GABRG1: variants seen among roughly 807,000 people sequenced by gnomAD.
GABRG1 encodes the protein gamma-aminobutyric acid type A receptor subunit gamma1.
In GABRG1, 49 loss-of-function variants were observed where a neutral mutation model predicts 49.8. The ratio of observed to expected loss-of-function variants is 0.98; its 90% CI spans 0.78 to 1.25. The LOEUF is 1.25. Among genes scored for constraint, GABRG1 ranks in the 50% most tolerant of loss-of-function variants. The pLI is 0.00. For synonymous variants in GABRG1, 232 were observed against 185.1 expected, an observed-to-expected ratio of 1.25 and a Z score of -2.06; for missense variants, 552 against 552.3, an observed-to-expected ratio of 1.00 and a Z score of 0.01.
chr4:46,112,735 A>C (rs1041446977), intron 1 of GABRG1, among the ~76,000 whole-genome samples: 7 of 151,114 alleles, frequency 4.6e-5, no homozygotes, highest in African/African-American at 1.7e-4. Context: ...GTGTGAGCCT[A>C]ACATTGGGTG....
intron 3 of GABRG1, among the ~76,000 whole-genome samples, chr4:46,070,458 G>A (rs1719073935): frequency 6.6e-6 from 1 of 151,904 alleles, no homozygotes; most frequent in Non-Finnish European, 1.5e-5. Context: ...TTCTTAAGAA[G>A]TTACAATAAA....
At chr4:46,074,940 A>C (rs2109416197) in intron 3 of GABRG1, among the ~76,000 whole-genome samples, 1 of 152,214 alleles carries the variant, frequency 6.6e-6, no homozygotes, top group East Asian at 1.9e-4. Context: ...GAGACTTACT[A>C]GAGTAGGGTG....
At chr4:46,081,682 C>T (rs1414817347) in intron 3 of GABRG1, among the ~76,000 whole-genome samples, 2 of 151,796 alleles carry the variant, frequency 1.3e-5, no homozygotes, top group Non-Finnish European at 2.9e-5. Context: ...CTTTGGAAGT[C>T]TTATGGGCTG....
chr4:46,087,795 T>C (rs752296167), intron 2 of GABRG1, among the ~76,000 whole-genome samples: 42 of 151,930 alleles, frequency 2.8e-4, no homozygotes, highest in Admixed American at 6.6e-4. Context: ...AGATACTTCT[T>C]GTGAGACCTT....
chr4:46,056,642 C>T (rs898911115), intron 7 of GABRG1, among the ~76,000 whole-genome samples: 1 of 152,088 alleles, frequency 6.6e-6, no homozygotes, highest in African/African-American at 2.4e-5. Context: ...ACACCATAAA[C>T]ACGAAGTTTT....
chr4:46,109,139 T>A (rs1720646198), intron 1 of GABRG1, among the ~76,000 whole-genome samples: 1 of 150,948 alleles, frequency 6.6e-6, no homozygotes, highest in African/African-American at 2.4e-5. Flanking sequence ...TGTGAATCCA[T>A]CTGGCCCAGG....
At chr4:46,070,495 T>G (rs111310058) in intron 3 of GABRG1, among the ~76,000 whole-genome samples, 3,189 of 152,052 alleles carry the variant, frequency 0.021, 37 homozygotes, top group Non-Finnish European at 0.034. Context: ...TTCCAGACCT[T>G]GGAATATATA....
chr4:46,091,082 A>G (rs894318411), intron 2 of GABRG1, among the ~76,000 whole-genome samples: 2 of 151,826 alleles, frequency 1.3e-5, no homozygotes, highest in African/African-American at 4.8e-5. Context: ...TGACAAACCA[A>G]ATATAAGCAG....
intron 8 of GABRG1, among the ~76,000 whole-genome samples, chr4:46,049,767 A>C (rs1718142412): frequency 6.6e-6 from 1 of 151,934 alleles, no homozygotes; most frequent in Non-Finnish European, 1.5e-5. Flanking sequence ...AGCTCTCTTG[A>C]GTAAGTGTGC....
At position 46,036,820 on chromosome 4, in the gene GABRG1, G is replaced by A. The variant is rs766482419; in HGVS notation, c.*4168C>T. 11 of 151,972 alleles carry A rather than the reference G, an allele frequency of 7.2e-5. No individual in the cohort carries two copies. The highest frequency in any genetic ancestry group is 1.5e-4 in the Non-Finnish European group (10 of 67,918). The allele number at this position is 151,972 out of a possible 1,614,324, so 9.4% of individuals were successfully genotyped here. A position where few individuals can be genotyped will look rare whatever the true frequency, so the allele number is the denominator to read the frequency against. ...TTAATAATGTATCTTTTGTACTCAA[G>A]TATCTCTGTGAACTTTTTATGACTT... On this transcript the variant is annotated 3_prime_UTR_variant, in exon 9 of 9. Transcript: ENST00000295452.
chr4:46,082,659 T>C (rs1719618972), intron 3 of GABRG1, among the ~76,000 whole-genome samples: 1 of 151,828 alleles, frequency 6.6e-6, no homozygotes, highest in African/African-American at 2.4e-5. Context: ...CAGTTATCAC[T>C]ATCTAATCCA....
At chr4:46,061,588 A>T (rs1435165046) in intron 5 of GABRG1, among the ~76,000 whole-genome samples, 1 of 152,040 alleles carries the variant, frequency 6.6e-6, no homozygotes, top group African/African-American at 2.4e-5. Context: ...AATACATGTG[A>T]GGATATGTAT....
At chr4:46,072,085 T>A (rs535020449) in intron 3 of GABRG1, among the ~76,000 whole-genome samples, 1 of 152,160 alleles carries the variant, frequency 6.6e-6, no homozygotes, top group South Asian at 2.1e-4. Flanking sequence ...TATACCATAT[T>A]TTTACTGTAT....
At chr4:46,103,655 TAAATA>T (rs1030096681) in intron 1 of GABRG1, among the ~76,000 whole-genome samples, 6 of 151,382 alleles carry the variant, frequency 4.0e-5, no homozygotes, top group African/African-American at 1.5e-4. Flanking sequence ...AATTAAAAAA[TAAATA>T]AATATGTTCA....
In GABRG1 at chr4:46,058,383, A is replaced by T. The variant is rs369176789; in HGVS notation, c.764-14T>A. 4.6e-5 allele frequency: 74 copies of T among 1,599,510 alleles called. No homozygotes were observed. The highest frequency in any genetic ancestry group is 5.8e-5 in the Non-Finnish European group (68 of 1,174,986). On this transcript the variant is annotated splice_polypyrimidine_tract_variant and intron_variant, in intron 6 of 8. Coordinates refer to ENST00000295452, the MANE Select transcript of GABRG1 (RefSeq NM_173536.4). ...TAACATAATCCCCTGTAAGAAAAAA[A>T]AGTTTTATTTTGGCTATATAATATA...
At chr4:46,057,319 T>C (rs940372949) in intron 7 of GABRG1, among the ~76,000 whole-genome samples, 3 of 152,216 alleles carry the variant, frequency 2.0e-5, no homozygotes, top group Non-Finnish European at 1.5e-5. Flanking sequence ...GATGGAATCA[T>C]TTATAAGCTA....
At chr4:46,049,327 T>C (rs940014541) in intron 8 of GABRG1, among the ~76,000 whole-genome samples, 1 of 151,850 alleles carries the variant, frequency 6.6e-6, no homozygotes, top group African/African-American at 2.4e-5. Context: ...AGCAAGACCA[T>C]ATGGCTGTAC....
intron 2 of GABRG1, among the ~76,000 whole-genome samples, chr4:46,090,933 TAC>T (rs34374380): frequency 0.22 from 30,892 of 138,636 alleles, 4,916 homozygotes; most frequent in African/African-American, 0.44. Flanking sequence ...TTCCCTGGAA[TAC>T]ACACACACAC....
chr4:46,098,045 CCTTT>C (rs1330320972), intron 1 of GABRG1, among the ~76,000 whole-genome samples: 1 of 151,712 alleles, frequency 6.6e-6, no homozygotes, highest in South Asian at 2.1e-4. Flanking sequence ...TAACTCTCTT[CCTTT>C]ATTTTATAAC....
Sources: allele counts gnomAD v4.1 joint callset (sites outside exome capture counted in the v4.1 genomes callset), GRCh38; gene constraint gnomAD v4.1.1; transcripts MANE v1.5; gene names NCBI Gene and HGNC (gene_info 2026-07-23, HGNC 2026-07-21).